PITPNC1: variants seen among roughly 807,000 people sequenced by gnomAD.
PITPNC1 encodes cytoplasmic phosphatidylinositol transfer protein 1.
A neutral mutation model predicts 44.7 loss-of-function variants in PITPNC1; 18 were observed. The observed-to-expected ratio is 0.40, with a 90% CI of 0.28 to 0.60. The LOEUF (loss-of-function observed/expected upper bound fraction) is 0.60, where lower values mean the gene tolerates loss of function less well. Among genes scored for constraint, PITPNC1 ranks in the 20% least tolerant of loss-of-function variants. The probability of loss-of-function intolerance (pLI) is 0.39; values close to 1 mark genes in which losing one functional copy is unlikely to be tolerated. For missense variants in PITPNC1, 290 were observed against 418.4 expected (o/e 0.69, Z 2.68); for synonymous variants, 141 against 149.6 (o/e 0.94, Z 0.42).
intron 5 of PITPNC1, among the ~76,000 whole-genome samples, chr17:67,627,120 A>T (rs1486320532): frequency 6.6e-6 from 1 of 152,136 alleles, no homozygotes. Context: ...GGGCGTGGTG[A>T]CAGGCGCCTG....
At chr17:67,468,400 CTTTTTTTTTT>C (rs139820910) in intron 1 of PITPNC1, among the ~76,000 whole-genome samples, 1 of 119,990 alleles carries the variant, frequency 8.3e-6, no homozygotes, top group South Asian at 2.8e-4. Flanking sequence ...GCTTTCTTTC[CTTTTTTTTTT>C]TTTTTTTTTG....
intron 1 of PITPNC1, among the ~76,000 whole-genome samples, chr17:67,445,084 A>G (rs540251906): frequency 2.4e-4 from 37 of 152,076 alleles, no homozygotes; most frequent in African/African-American, 8.7e-4. Flanking sequence ...GGGGAATTCA[A>G]TGAGCTTGAA....
At chr17:67,591,119 A>AAAACAAAC (rs577857241) in intron 5 of PITPNC1, among the ~76,000 whole-genome samples, 2 of 152,116 alleles carry the variant, frequency 1.3e-5, no homozygotes, top group East Asian at 1.9e-4. Flanking sequence ...GTTCTTGTCA[A>AAAACAAAC]AAACAAACAA....
rs924830621 is a variant in PITPNC1, at chr17:67,693,551, C to A, written c.*663C>A. The A allele has an allele frequency of 6.6e-6, 1 of 152,426 alleles. No homozygotes were observed. The highest frequency in any genetic ancestry group is 1.5e-5 in the Non-Finnish European group (1 of 68,020). The allele number at this position is 152,426 out of a possible 1,614,324, so 9.4% of individuals were successfully genotyped here. A position where few individuals can be genotyped will look rare whatever the true frequency, so the allele number is the denominator to read the frequency against. On this transcript the variant is annotated 3_prime_UTR_variant, in exon 9 of 9. Coordinates refer to ENST00000581322, the MANE Select transcript of PITPNC1 (RefSeq NM_012417.4). ...TTTTAATAACTTTCCCCTTTTGTGC[C>A]CTTGTGGCCTCAGAAATCCTTAAGA...
intron 5 of PITPNC1, among the ~76,000 whole-genome samples, chr17:67,579,491 G>A (rs983034254): frequency 1.3e-5 from 2 of 152,048 alleles, no homozygotes; most frequent in African/African-American, 4.8e-5. Context: ...AATGGGAAAT[G>A]TTTAGGGCCA....
intron 1 of PITPNC1, among the ~76,000 whole-genome samples, chr17:67,522,657 A>ATTTTTTTTTTTTTTTTTTTTTTTTTTTTT (rs1219049449): frequency 8.3e-5 from 5 of 59,966 alleles, no homozygotes; most frequent in African/African-American, 5.0e-4. Flanking sequence ...TACCATTTTA[A>ATTTTTTTTTTTTTTTTTTTTTTTTTTTTT]TCTTTTTTTT....
intron 1 of PITPNC1, among the ~76,000 whole-genome samples, chr17:67,454,735 G>T (rs2039230807): frequency 6.6e-6 from 1 of 151,842 alleles, no homozygotes; most frequent in Non-Finnish European, 1.5e-5. Context: ...CCACCATCCA[G>T]AGACGTTTCA....
At chr17:67,494,185 T>TTCTTTTTCTTTCTTTCTTTCTTTC in intron 1 of PITPNC1, among the ~76,000 whole-genome samples, 1,813 of 102,406 alleles carry the variant, frequency 0.018, 124 homozygotes, top group East Asian at 0.073. Flanking sequence ...CTTTCTTTCT[T>TTCTTTTTCTTTCTTTCTTTCTTTC]TTTCTTTCTT....
At chr17:67,690,981 T>C (rs2042916020) in intron 8 of PITPNC1, among the ~76,000 whole-genome samples, 1 of 152,066 alleles carries the variant, frequency 6.6e-6, no homozygotes, top group Non-Finnish European at 1.5e-5. Context: ...CACGTGCCTG[T>C]AGTCCCAGCT....
At chr17:67,553,438 G>A in intron 3 of PITPNC1, 172 bp from the exon 4 acceptor site, 1 of 411,232 alleles carries the variant, frequency 2.4e-6, no homozygotes, top group South Asian at 7.6e-5. Flanking sequence ...GAATTTCAGT[G>A]CAACACGGAG....
chr17:67,631,479 A>T (rs968617508), intron 5 of PITPNC1, among the ~76,000 whole-genome samples: 1 of 135,940 alleles, frequency 7.4e-6, no homozygotes, highest in African/African-American at 2.7e-5. Context: ...AATACAAAAA[A>T]TTAGCCGGGC....
At chr17:67,453,705 T>C (rs767574843) in intron 1 of PITPNC1, among the ~76,000 whole-genome samples, 8 of 152,136 alleles carry the variant, frequency 5.3e-5, no homozygotes, top group Admixed American at 1.3e-4. Flanking sequence ...AACATAGTAA[T>C]GGGGTACGAT....
chr17:67,488,529 A>G (rs1034392931), intron 1 of PITPNC1, among the ~76,000 whole-genome samples: 2 of 152,240 alleles, frequency 1.3e-5, no homozygotes, highest in African/African-American at 4.8e-5. Context: ...TGAGCGAACG[A>G]AGGAAGGGCC....
chr17:67,512,016 G>A (rs576837075), intron 1 of PITPNC1, among the ~76,000 whole-genome samples: 152 of 152,188 alleles, frequency 1.0e-3, no homozygotes, highest in Non-Finnish European at 1.6e-3. Context: ...CTTGAATTTC[G>A]CATTGCTGTT....
intron 5 of PITPNC1, among the ~76,000 whole-genome samples, chr17:67,615,321 C>G (rs1052197316): frequency 1.3e-5 from 2 of 152,216 alleles, no homozygotes; most frequent in Non-Finnish European, 2.9e-5. Flanking sequence ...AGTGCCCATT[C>G]CATTGTTTTT....
At chr17:67,462,220 T>C (rs1045879609) in intron 1 of PITPNC1, among the ~76,000 whole-genome samples, 1 of 140,544 alleles carries the variant, frequency 7.1e-6, no homozygotes, top group East Asian at 2.0e-4. Context: ...TCTCTTTCTT[T>C]CTTTCTTTTT....
intron 1 of PITPNC1, among the ~76,000 whole-genome samples, chr17:67,465,368 T>C (rs1189398025): frequency 2.0e-5 from 3 of 152,272 alleles, no homozygotes; most frequent in East Asian, 3.9e-4. Flanking sequence ...TGAAATGCAC[T>C]AAGGAAATAC....
At chr17:67,455,145 A>G (rs760713930) in intron 1 of PITPNC1, among the ~76,000 whole-genome samples, 22 of 152,106 alleles carry the variant, frequency 1.4e-4, no homozygotes, top group Non-Finnish European at 2.5e-4. Flanking sequence ...AGTAAAACCC[A>G]AGCCCATACT....
intron 7 of PITPNC1, 38 bp downstream of exon 7, chr17:67,669,701 G>C: frequency 6.7e-7 from 1 of 1,481,632 alleles, no homozygotes; most frequent in South Asian, 1.2e-5. Context: ...CTGTGGACAA[G>C]GTAACTGTCT....
Sources: gnomAD v4.1 joint callset for allele counts (sites outside exome capture counted in the v4.1 genomes callset) on GRCh38, gnomAD v4.1.1 for gene constraint, MANE v1.5 for transcripts, NCBI Gene and HGNC (gene_info 2026-07-23, HGNC 2026-07-21) for gene names.